The following JMJD1C variants were observed in gnomAD, a reference collection of about 807,000 sequenced individuals.
JMJD1C encodes the protein jumonji domain containing 1C, also known as jumonji domain-containing protein 1C.
Under a neutral mutation model 245.3 loss-of-function variants are expected in JMJD1C, and 31 were observed. That is an observed-to-expected ratio of 0.13 (90% confidence interval 0.09 to 0.17). The LOEUF (loss-of-function observed/expected upper bound fraction) is 0.17, where lower values mean the gene tolerates loss of function less well. Among genes scored for constraint, JMJD1C ranks in the 10% least tolerant of loss-of-function variants. The probability of loss-of-function intolerance (pLI) is 1.00; values close to 1 mark genes in which losing one functional copy is unlikely to be tolerated. For synonymous variants in JMJD1C, 1,057 were observed against 1,017.4 expected (o/e 1.04, Z -0.74); for missense variants, 2,691 against 3,000.2 (o/e 0.90, Z 2.41).
chr10:63,305,539 G>A (rs1436910954), intron 2 of JMJD1C, among the ~76,000 whole-genome samples: 2 of 141,044 alleles, frequency 1.4e-5, no homozygotes, highest in African/African-American at 2.6e-5. Context: ...CTGGAGGCAA[G>A]GTTTGTCAGC....
intron 1 of JMJD1C, among the ~76,000 whole-genome samples, chr10:63,406,698 A>T (rs530130400): frequency 3.0e-4 from 46 of 152,274 alleles, no homozygotes; most frequent in Non-Finnish European, 5.0e-4. Flanking sequence ...ATAAAAAAAT[A>T]AAAACTCAAT....
intron 2 of JMJD1C, among the ~76,000 whole-genome samples, chr10:63,274,009 G>C (rs1025760718): frequency 6.6e-6 from 1 of 151,946 alleles, no homozygotes; most frequent in Non-Finnish European, 1.5e-5. Flanking sequence ...CAAACCACTG[G>C]ATTTTAAAAA....
At chr10:63,358,236 A>G (rs993545798) in intron 2 of JMJD1C, among the ~76,000 whole-genome samples, 1 of 152,222 alleles carries the variant, frequency 6.6e-6, no homozygotes. Context: ...ATAACCAAAT[A>G]AAACTCACTA....
intron 2 of JMJD1C, among the ~76,000 whole-genome samples, chr10:63,323,349 T>A (rs969090361): frequency 2.0e-5 from 3 of 151,834 alleles, no homozygotes; most frequent in African/African-American, 4.8e-5. Flanking sequence ...CATGGTGAAA[T>A]CCCACCTCTA....
At chr10:63,420,781 A>G (rs1368700276) in intron 1 of JMJD1C, among the ~76,000 whole-genome samples, 3 of 151,752 alleles carry the variant, frequency 2.0e-5, no homozygotes, top group African/African-American at 7.3e-5. Flanking sequence ...TGACAAAATT[A>G]GAAAGAGAAC....
intron 2 of JMJD1C, among the ~76,000 whole-genome samples, chr10:63,292,568 G>A (rs1327282294): frequency 6.6e-6 from 1 of 151,970 alleles, no homozygotes; most frequent in Non-Finnish European, 1.5e-5. Context: ...CCGAGATCAC[G>A]CCACTGCACT....
rs11318245 is a variant in JMJD1C, at chr10:63,180,769, ATT to A, written c.7084+2676_7084+2677del. ...AGGCATACACCACCATGCACAGCTAATTTTTTTTTTTTTTTTTGAGACGGAGT... is the reference window on the plus strand; with the variant it reads ...AGGCATACACCACCATGCACAGCTAATTTTTTTTTTTTTTTGAGACGGAGT... On this transcript the variant is annotated intron_variant, in intron 22 of 25. Transcript: ENST00000399262. Among the ~76,000 whole-genome samples the A allele has an allele frequency of 4.3e-3, 560 of 128,846 alleles. 5 individuals carry two copies. Among genetic ancestry groups the A allele is most frequent in the Admixed American group, 9.1e-3 (120 of 13,116 alleles). 84.5% of individuals were successfully genotyped at this position (128,846 alleles called of 152,430 possible).
At chr10:63,297,469 TG>T (rs922945389) in intron 2 of JMJD1C, among the ~76,000 whole-genome samples, 4 of 152,192 alleles carry the variant, frequency 2.6e-5, no homozygotes, top group African/African-American at 7.2e-5. Context: ...ACCCTCCAGT[TG>T]TCCACATAAC....
intron 3 of JMJD1C, among the ~76,000 whole-genome samples, chr10:63,224,008 T>G (rs2133321315): frequency 1.3e-5 from 2 of 152,174 alleles, no homozygotes; most frequent in Middle Eastern, 3.4e-3. Flanking sequence ...TGCGTCCGCC[T>G]CCCAATGGGA....
At chr10:63,184,474 C>G (rs1843880236) in intron 21 of JMJD1C, 134 bp downstream of exon 21, 2 of 699,302 alleles carry the variant, frequency 2.9e-6, no homozygotes, top group African/African-American at 3.7e-5. Context: ...AATCTCCTGA[C>G]CTCGTGATTC....
At chr10:63,427,378 A>T in intron 1 of JMJD1C, 1 of 1,067,134 alleles carries the variant, frequency 9.4e-7, no homozygotes, top group Non-Finnish European at 1.4e-6. Context: ...TCAGTACCCA[A>T]ATCCCTATAG....
intron 24 of JMJD1C, among the ~76,000 whole-genome samples, chr10:63,171,587 G>A (rs1842366204): frequency 6.6e-6 from 1 of 152,190 alleles, no homozygotes; most frequent in African/African-American, 2.4e-5. Flanking sequence ...GGGTTTGCAT[G>A]AGATTCCTAT....
intron 1 of JMJD1C, among the ~76,000 whole-genome samples, chr10:63,501,316 G>A (rs1395489633): frequency 6.6e-6 from 1 of 152,154 alleles, no homozygotes; most frequent in Non-Finnish European, 1.5e-5. Context: ...AGAAGACAAA[G>A]TGATTCATTG....
Position 63,186,357 on chromosome 10 carries a change from C to G in JMJD1C, c.6597G>C (p.Lys2199Asn). Residue 2199 changes from lysine (K) to asparagine (N), a missense_variant, in exon 19 of 26, where the codon AAG (lysine) becomes AAC (asparagine). Transcript: ENST00000399262. ...CCTTCCATAGGCTAATGTTCATTTT[C>G]TTATGCACACCAGAAACCACTGCAG... ...GQPAVVSGVH[K>N]KMNISLWKAE... 6.2e-7 allele frequency: 1 copy of G among 1,612,574 alleles called. No individual in the cohort carries two copies.
chr10:63,421,869 G>C (rs916949025), intron 1 of JMJD1C, among the ~76,000 whole-genome samples: 1 of 152,186 alleles, frequency 6.6e-6, no homozygotes, highest in Non-Finnish European at 1.5e-5. Context: ...GCCCACACTA[G>C]AAACCAACCC....
intron 2 of JMJD1C, among the ~76,000 whole-genome samples, chr10:63,312,675 C>T (rs1198677866): frequency 6.6e-6 from 1 of 152,064 alleles, no homozygotes; most frequent in Non-Finnish European, 1.5e-5. Flanking sequence ...TTTCCAAATG[C>T]CTTGTACTAT....
At chr10:63,483,053 ACTCAT>A (rs1387389653) in intron 1 of JMJD1C, among the ~76,000 whole-genome samples, 4 of 152,206 alleles carry the variant, frequency 2.6e-5, no homozygotes, top group African/African-American at 9.6e-5. Context: ...TCATAAAGGA[ACTCAT>A]CTCAAATTAT....
At chr10:63,228,670 T>C (rs190404387) in intron 3 of JMJD1C, among the ~76,000 whole-genome samples, 56 of 152,326 alleles carry the variant, frequency 3.7e-4, no homozygotes, top group Admixed American at 3.5e-3. Context: ...TCAAATACAA[T>C]TTTAAATATA....
At chr10:63,491,102 C>A (rs1306271927) in intron 1 of JMJD1C, among the ~76,000 whole-genome samples, 1 of 152,146 alleles carries the variant, frequency 6.6e-6, no homozygotes, top group African/African-American at 2.4e-5. Flanking sequence ...GCAAGATAAT[C>A]AAGGTAATCT....
Sources: gnomAD v4.1 joint callset for allele counts (sites outside exome capture counted in the v4.1 genomes callset) on GRCh38, gnomAD v4.1.1 for gene constraint, MANE v1.5 for transcripts, NCBI Gene and HGNC (gene_info 2026-07-23, HGNC 2026-07-21) for gene names.